TAFA4: variants seen among roughly 807,000 people sequenced by gnomAD.
The protein encoded by TAFA4 is TAFA chemokine like family member 4.
Under a neutral mutation model 21.1 loss-of-function variants are expected in TAFA4, and 20 were observed. The observed-to-expected ratio is 0.95, with a 90% CI of 0.67 to 1.38. The LOEUF is 1.38. Ranked by LOEUF, TAFA4 falls within the 40% of genes most tolerant of loss-of-function variation. The pLI, the probability that TAFA4 is intolerant of heterozygous loss-of-function variation, is 0.00. For missense variants in TAFA4, 211 were observed against 180.9 expected (o/e 1.17, Z -0.95); for synonymous variants, 71 against 67.4 (o/e 1.05, Z -0.26).
intron 3 of TAFA4, among the ~76,000 whole-genome samples, chr3:68,802,512 C>T (rs1191676142): frequency 1.3e-5 from 2 of 151,154 alleles, no homozygotes; most frequent in African/African-American, 4.9e-5. Flanking sequence ...ATTTAGTGCA[C>T]TAGAAGATAA....
At position 68,920,276 on chromosome 3, in the gene TAFA4, A is replaced by G. The variant is rs9843330; in HGVS notation, c.-123+11964T>C. Among the ~76,000 whole-genome samples the G allele has an allele frequency of 7.1e-3, 1,079 of 152,198 alleles. 12 individuals carry two copies. The highest frequency in any genetic ancestry group is 0.025 in the African/African-American group (1,026 of 41,520). On this transcript the variant is annotated intron_variant, in intron 1 of 5. Coordinates refer to ENST00000295569, the MANE Select transcript of TAFA4 (RefSeq NM_182522.5). ...TCAGATGTATAAAATGACACTACTT[A>G]AGTGAAAAAATTCACACACAAGACT...
intron 3 of TAFA4, among the ~76,000 whole-genome samples, chr3:68,775,552 C>T (rs1703033288): frequency 6.6e-6 from 1 of 152,142 alleles, no homozygotes; most frequent in African/African-American, 2.4e-5. Flanking sequence ...CTCCAGCCTA[C>T]CTTTGGGGAG....
chr3:68,879,122 C>A (rs2089586548), intron 3 of TAFA4, among the ~76,000 whole-genome samples: 1 of 152,142 alleles, frequency 6.6e-6, no homozygotes, highest in Non-Finnish European at 1.5e-5. Flanking sequence ...AATTGGCCAG[C>A]ACTAACCATG....
chr3:68,766,283 T>TTG (rs1230595322), intron 3 of TAFA4, among the ~76,000 whole-genome samples: 3 of 152,006 alleles, frequency 2.0e-5, no homozygotes, highest in African/African-American at 7.2e-5. Flanking sequence ...TAAACACACA[T>TTG]ATATAATCTC....
chr3:68,795,932 A>G (rs150263290), intron 3 of TAFA4, among the ~76,000 whole-genome samples: 1 of 152,370 alleles, frequency 6.6e-6, no homozygotes, highest in African/African-American at 2.4e-5. Context: ...CCCCAAGCCC[A>G]GTAACACCGT....
intron 1 of TAFA4, among the ~76,000 whole-genome samples, chr3:68,895,816 A>G (rs1240563104): frequency 6.6e-6 from 1 of 152,196 alleles, no homozygotes; most frequent in Non-Finnish European, 1.5e-5. Flanking sequence ...CAAACAGGTA[A>G]ACAAGCATAA....
intron 3 of TAFA4, among the ~76,000 whole-genome samples, chr3:68,832,235 G>A (rs1045081758): frequency 7.2e-5 from 11 of 152,190 alleles, no homozygotes; most frequent in African/African-American, 2.7e-4. Flanking sequence ...GTGAGGAGCT[G>A]TGTTCCTTTG....
chr3:68,797,534 A>T (rs1703476227), intron 3 of TAFA4, among the ~76,000 whole-genome samples: 2 of 150,264 alleles, frequency 1.3e-5, no homozygotes, highest in Admixed American at 1.3e-4. Context: ...AATCACTTGA[A>T]CCTGGGAGAC....
intron 5 of TAFA4, among the ~76,000 whole-genome samples, chr3:68,734,542 GGCAAGACTGAACT>G (rs959345043): frequency 4.9e-4 from 75 of 152,166 alleles, no homozygotes; most frequent in African/African-American, 1.7e-3. Flanking sequence ...AGGAATGCAT[GGCAAGACTGAACT>G]GTCAACTTAA....
At chr3:68,746,110 C>A (rs1304566803) in intron 4 of TAFA4, among the ~76,000 whole-genome samples, 1 of 152,262 alleles carries the variant, frequency 6.6e-6, no homozygotes, top group East Asian at 1.9e-4. Flanking sequence ...AGTTCTTCAG[C>A]TTTTGGACTC....
intron 3 of TAFA4, among the ~76,000 whole-genome samples, chr3:68,783,719 A>AAGAAAGAAAGAG (rs1703195897): frequency 7.1e-6 from 1 of 141,526 alleles, no homozygotes; most frequent in African/African-American, 2.7e-5. Flanking sequence ...AAGAAAAAGA[A>AAGAAAGAAAGAG]AGAAAGAAAG....
At chr3:68,762,706 A>T (rs1702778982) in intron 3 of TAFA4, among the ~76,000 whole-genome samples, 2 of 152,244 alleles carry the variant, frequency 1.3e-5, no homozygotes, top group Non-Finnish European at 2.9e-5. Context: ...CCTATGATGC[A>T]AATATTACAA....
At chr3:68,773,339 G>A (rs1702992788) in intron 3 of TAFA4, among the ~76,000 whole-genome samples, 1 of 152,100 alleles carries the variant, frequency 6.6e-6, no homozygotes, top group South Asian at 2.1e-4. Flanking sequence ...TCCTCGATGT[G>A]GAGTGTCCAT....
At chr3:68,925,735 G>A (rs1317420431) in intron 1 of TAFA4, among the ~76,000 whole-genome samples, 1 of 152,182 alleles carries the variant, frequency 6.6e-6, no homozygotes, top group African/African-American at 2.4e-5. Context: ...TCTCTTCACT[G>A]ATTTGTCATC....
At chr3:68,907,783 C>T (rs2089919308) in intron 1 of TAFA4, among the ~76,000 whole-genome samples, 1 of 152,178 alleles carries the variant, frequency 6.6e-6, no homozygotes. Flanking sequence ...CGATGGTAAA[C>T]TCTAAAGAAT....
rs188730839 is a variant in TAFA4, at chr3:68,832,858, C to T, written c.130+47872G>A. Among the ~76,000 whole-genome samples, 487 of 152,148 alleles carry T rather than the reference C, an allele frequency of 3.2e-3. 5 individuals are homozygous for T. The highest frequency in any genetic ancestry group is 0.011 in the African/African-American group (457 of 41,538). On this transcript the variant is annotated intron_variant, in intron 3 of 5. Coordinates refer to ENST00000295569, the MANE Select transcript of TAFA4 (RefSeq NM_182522.5). Reference sequence around the variant, plus strand: ...GGGCTCTGCCCAGTTCAAGCTTCCCCGACACTTTGTTTACTCTGTGAACAT... The same window carrying T: ...GGGCTCTGCCCAGTTCAAGCTTCCCTGACACTTTGTTTACTCTGTGAACAT...
intron 4 of TAFA4, among the ~76,000 whole-genome samples, chr3:68,744,450 A>G (rs1319987407): frequency 6.6e-6 from 1 of 152,270 alleles, no homozygotes; most frequent in East Asian, 1.9e-4. Context: ...ACTGGGTGCC[A>G]GAAGAGTTTG....
chr3:68,820,095 A>T (rs1704079021), intron 3 of TAFA4, among the ~76,000 whole-genome samples: 1 of 152,258 alleles, frequency 6.6e-6, no homozygotes, highest in South Asian at 2.1e-4. Flanking sequence ...ATGCAATACT[A>T]TTCAGCCTTA....
At chr3:68,773,874 AT>A (rs1485049907) in intron 3 of TAFA4, among the ~76,000 whole-genome samples, 29 of 152,212 alleles carry the variant, frequency 1.9e-4, no homozygotes, top group African/African-American at 7.0e-4. Context: ...GAAAACAGCA[AT>A]AAAAAAAACT....
Sources: allele counts gnomAD v4.1 joint callset (sites outside exome capture counted in the v4.1 genomes callset), GRCh38; gene constraint gnomAD v4.1.1; transcripts MANE v1.5; gene names NCBI Gene and HGNC (gene_info 2026-07-23, HGNC 2026-07-21).